The following CDC42BPA variants were observed in gnomAD, a reference collection of about 807,000 sequenced individuals.
CDC42BPA encodes the protein CDC42 binding protein kinase alpha, also known as serine/threonine-protein kinase MRCK alpha.
Under a neutral mutation model 223.5 loss-of-function variants are expected in CDC42BPA, and 80 were observed. That is an observed-to-expected ratio of 0.36 (90% CI 0.30 to 0.43). CDC42BPA has a LOEUF of 0.43. CDC42BPA is among the 20% of genes least tolerant of loss of function. The pLI is 1.00. For missense variants in CDC42BPA, 1,743 were observed against 2,099.9 expected, an observed-to-expected ratio of 0.83 and a Z score of 3.32; for synonymous variants, 694 against 718.6, an observed-to-expected ratio of 0.97 and a Z score of 0.55.
chr1:227,136,086 G>A (rs11799389), intron 10 of CDC42BPA, among the ~76,000 whole-genome samples: 8,179 of 151,958 alleles, frequency 0.054, 250 homozygotes, highest in Non-Finnish European at 0.072. Flanking sequence ...CAGGCTCGCA[G>A]AAGATTCAGT....
At chr1:227,171,195 A>G (rs1429088909) in intron 5 of CDC42BPA, among the ~76,000 whole-genome samples, 1 of 152,262 alleles carries the variant, frequency 6.6e-6, no homozygotes, top group East Asian at 1.9e-4. Flanking sequence ...CATAATTTGA[A>G]TATTAGTCAA....
Position 226,994,915 on chromosome 1 carries a change from GCTTGGCA to G in CDC42BPA, c.5034_5040del (p.Ala1679GlyfsTer47). ...TCTGACGGGGAGGGCATGGGCTGCCGCTTGGCACTGTAGCTTCCTCCAGAGAATTCCC... is the reference window on the plus strand; with the variant it reads ...TCTGACGGGGAGGGCATGGGCTGCCGCTGTAGCTTCCTCCAGAGAATTCCC... On this transcript the variant is annotated frameshift_variant, in exon 36 of 37. Coordinates refer to ENST00000366766, the MANE Select transcript of CDC42BPA (RefSeq NM_001394014.1). LOFTEE classifies it high-confidence loss of function. This position sits in a 1 kb window ranked among gnomAD's most constrained non-coding sequence, Gnocchi z 4.0. 1 of 1,614,058 alleles carries G rather than the reference GCTTGGCA, an allele frequency of 6.2e-7. No individual in the cohort carries two copies. The highest frequency in any genetic ancestry group is 8.5e-7 in the Non-Finnish European group (1 of 1,179,920).
intron 1 of CDC42BPA, chr1:227,264,981 G>A: frequency 1.1e-6 from 1 of 888,024 alleles, no homozygotes; most frequent in Non-Finnish European, 1.9e-6. Context: ...TTTGGGCAGT[G>A]CTGCTACCTT....
At chr1:227,046,755 T>G (rs1284193584) in intron 23 of CDC42BPA, among the ~76,000 whole-genome samples, 5 of 152,288 alleles carry the variant, frequency 3.3e-5, no homozygotes, top group Admixed American at 6.5e-5. Flanking sequence ...ATGGGAACAG[T>G]ATTTCCTGAG....
At chr1:227,313,149 C>G (rs1693814927) in intron 1 of CDC42BPA, among the ~76,000 whole-genome samples, 1 of 152,002 alleles carries the variant, frequency 6.6e-6, no homozygotes, top group South Asian at 2.1e-4. Context: ...TAAAATAAAT[C>G]AATACATAAT....
At chr1:227,181,432 A>C (rs2150041844) in intron 5 of CDC42BPA, among the ~76,000 whole-genome samples, 1 of 152,312 alleles carries the variant, frequency 6.6e-6, no homozygotes, top group African/African-American at 2.4e-5. Flanking sequence ...CATATTATTT[A>C]CTTTGGTCCT....
At chr1:227,100,714 G>GGT (rs549947813) in intron 15 of CDC42BPA, among the ~76,000 whole-genome samples, 3,261 of 145,446 alleles carry the variant, frequency 0.022, 124 homozygotes, top group African/African-American at 0.075. Context: ...TCAGATTATA[G>GGT]GTGTGTGTGT....
chr1:227,180,147 A>G (rs916815872), intron 5 of CDC42BPA, among the ~76,000 whole-genome samples: 3 of 152,176 alleles, frequency 2.0e-5, no homozygotes, highest in Non-Finnish European at 4.4e-5. Context: ...CAGATGTTGC[A>G]GTGAACCAAG....
intron 5 of CDC42BPA, among the ~76,000 whole-genome samples, chr1:227,192,754 A>G (rs1669926067): frequency 6.6e-6 from 1 of 152,202 alleles, no homozygotes. Flanking sequence ...TTTTAAATAT[A>G]AAGTATTAAT....
chr1:227,255,867 T>A (rs923543310), intron 1 of CDC42BPA, among the ~76,000 whole-genome samples: 6 of 152,120 alleles, frequency 3.9e-5, no homozygotes, highest in African/African-American at 1.4e-4. Context: ...ATTGTTAATA[T>A]GACAATGTTA....
chr1:227,005,448 T>C (rs1355936749), intron 34 of CDC42BPA, among the ~76,000 whole-genome samples: 3 of 152,226 alleles, frequency 2.0e-5, no homozygotes, highest in African/African-American at 7.2e-5. Flanking sequence ...TGCCGATAAC[T>C]GAAAGCTTTT....
intron 21 of CDC42BPA, chr1:227,068,682 GAGGA>G (rs1290588236): frequency 8.3e-7 from 1 of 1,209,950 alleles, no homozygotes; most frequent in Non-Finnish European, 1.1e-6. Context: ...CAGTGAAGAT[GAGGA>G]AGAAGAAAAG....
At position 227,142,058 on chromosome 1, in the gene CDC42BPA, G is replaced by A. The variant is rs1037294756; in HGVS notation, c.1223+887C>T. 8.5e-5 allele frequency among the ~76,000 whole-genome samples: 13 copies of A among 152,322 alleles called. No homozygotes were observed. The East Asian group carries it at 2.3e-3, about 27-fold the overall frequency. On this transcript the variant is annotated intron_variant, in intron 9 of 36. Coordinates refer to ENST00000366766, the MANE Select transcript of CDC42BPA (RefSeq NM_001394014.1). ...TAATACAGTACATTTGTCAGACAAG[G>A]GGGACTTGAGGTTGGTAATCATGAA...
At chr1:227,122,854 T>G (rs1688895166) in intron 11 of CDC42BPA, among the ~76,000 whole-genome samples, 1 of 152,174 alleles carries the variant, frequency 6.6e-6, no homozygotes, top group African/African-American at 2.4e-5. Flanking sequence ...TACTATAAAA[T>G]GAGTAAGGCA....
At chr1:227,263,992 T>A (rs1558902193) in intron 1 of CDC42BPA, among the ~76,000 whole-genome samples, 1 of 152,228 alleles carries the variant, frequency 6.6e-6, no homozygotes, top group East Asian at 1.9e-4. Flanking sequence ...ACTCCAGATA[T>A]ATGTTCCACA....
intron 34 of CDC42BPA, among the ~76,000 whole-genome samples, chr1:227,005,859 G>A (rs1663916551): frequency 6.6e-6 from 1 of 152,186 alleles, no homozygotes; most frequent in African/African-American, 2.4e-5. Flanking sequence ...ATAGGCCACA[G>A]AATGTTTTGC....
chr1:227,061,364 A>C (rs1293731211), intron 21 of CDC42BPA, among the ~76,000 whole-genome samples: 3 of 152,300 alleles, frequency 2.0e-5, no homozygotes, highest in East Asian at 3.9e-4. Context: ...AGTGCTTTAC[A>C]TATATGAATT....
intron 31 of CDC42BPA, 53 bp from the exon 32 acceptor site, chr1:227,023,400 A>T (rs1169618528): frequency 1.0e-6 from 1 of 985,278 alleles, no homozygotes; most frequent in Admixed American, 2.5e-5. Context: ...AAATTAAATT[A>T]TAAAACTTTT....
Position 227,193,265 on chromosome 1 carries a change from A to G in CDC42BPA, c.599+521T>C, listed in dbSNP as rs566126018. The stretch of plus-strand genomic sequence containing the variant: ...TTTTTTGTATTTTTAGTAGAGACGG[A>G]GTTTCACCGTGGTCTCGATCTCCTG... On this transcript the variant is annotated intron_variant, in intron 5 of 36. Coordinates refer to ENST00000366766, the MANE Select transcript of CDC42BPA (RefSeq NM_001394014.1). Among the ~76,000 whole-genome samples, 25 of 151,518 alleles carry G rather than the reference A, an allele frequency of 1.6e-4. No homozygotes were observed. The East Asian group carries it at 2.1e-3, about 13-fold the overall frequency.
Sources: allele counts gnomAD v4.1 joint callset (sites outside exome capture counted in the v4.1 genomes callset), GRCh38; gene constraint gnomAD v4.1.1; non-coding constraint Gnocchi (gnomAD v3.1); transcripts MANE v1.5; gene names NCBI Gene and HGNC (gene_info 2026-07-23, HGNC 2026-07-21).